The following SYTL5 variants were observed in gnomAD, a reference collection of about 807,000 sequenced individuals.
SYTL5 encodes the protein synaptotagmin-like protein 5.
A neutral mutation model predicts 55.9 loss-of-function variants in SYTL5; 34 were observed. The ratio of observed to expected loss-of-function variants is 0.61; its 90% CI spans 0.46 to 0.81. SYTL5 has a LOEUF of 0.81. Among genes scored for constraint, SYTL5 ranks in the 30% least tolerant of loss-of-function variants. The pLI is 0.00. For missense variants in SYTL5, 637 were observed against 546.7 expected, an observed-to-expected ratio of 1.17 and a Z score of -1.65; for synonymous variants, 221 against 188.7, an observed-to-expected ratio of 1.17 and a Z score of -1.40.
chrX:37,955,734 T>C, the SYTL5 span, among the ~76,000 whole-genome samples: 4 of 111,623 alleles, frequency 3.6e-5, no homozygotes, highest in Non-Finnish European at 7.5e-5. Context: ...ATTGGCTCAA[T>C]AGCTATTTCC....
At chrX:37,910,967 C>CTTTTTTT in the SYTL5 span, among the ~76,000 whole-genome samples, 177 of 82,676 alleles carry the variant, frequency 2.1e-3, 6 homozygotes, top group African/African-American at 6.8e-3. Context: ...GATAGCATTA[C>CTTTTTTT]TTTTTTTTTT....
intron 13 of SYTL5, among the ~76,000 whole-genome samples, chrX:38,113,536 T>C (rs1313535265): frequency 9.0e-6 from 1 of 110,533 alleles, no homozygotes; most frequent in East Asian, 2.8e-4. Flanking sequence ...AAGCAGGAGG[T>C]GGTGGGTGTC....
the SYTL5 span, among the ~76,000 whole-genome samples, chrX:37,928,002 T>C: frequency 8.9e-6 from 1 of 112,308 alleles, no homozygotes; most frequent in East Asian, 2.8e-4. Context: ...GGTGAGGTTA[T>C]ACAGGTCTGG....
chrX:37,945,275 A>G, the SYTL5 span, among the ~76,000 whole-genome samples: 1 of 112,101 alleles, frequency 8.9e-6, no homozygotes, highest in Non-Finnish European at 1.9e-5. Context: ...CTGTCCCCCA[A>G]CTGTGTCAAC....
intron 6 of SYTL5, among the ~76,000 whole-genome samples, chrX:38,088,884 T>A (rs937202005): frequency 8.9e-6 from 1 of 112,246 alleles, no homozygotes; most frequent in African/African-American, 3.2e-5. Flanking sequence ...CATATGTGGA[T>A]CCATTAGGGA....
At chrX:38,084,921 T>TATGAAATTCAAATTTCAG (rs1936632117) in intron 6 of SYTL5, among the ~76,000 whole-genome samples, 1 of 111,351 alleles carries the variant, frequency 9.0e-6, no homozygotes, top group Non-Finnish European at 1.9e-5. Context: ...CAAAATATTA[T>TATGAAATTCAAATTTCAG]TCTTCTTTTG....
chrX:38,123,242 T>A (rs1179382078), intron 15 of SYTL5, among the ~76,000 whole-genome samples: 1 of 112,033 alleles, frequency 8.9e-6, no homozygotes, highest in Non-Finnish European at 1.9e-5. Context: ...CAGGTTCAAG[T>A]GATTCTCATA....
chrX:37,902,406 T>C, the SYTL5 span, among the ~76,000 whole-genome samples: 1 of 112,334 alleles, frequency 8.9e-6, no homozygotes, highest in Admixed American at 9.4e-5. Context: ...GTCTGAGCTG[T>C]GCACAAGTCA....
chrX:38,052,451 A>C (rs1310195744), intron 2 of SYTL5, among the ~76,000 whole-genome samples: 1 of 111,984 alleles, frequency 8.9e-6, no homozygotes, highest in Non-Finnish European at 1.9e-5. Context: ...CATGAAGTCA[A>C]AGATTTTAAA....
the SYTL5 span, among the ~76,000 whole-genome samples, chrX:37,969,218 C>CT: frequency 8.9e-6 from 1 of 111,849 alleles, no homozygotes; most frequent in Non-Finnish European, 1.9e-5. Flanking sequence ...CCTATTTTAA[C>CT]TTTTTAGTAA....
chrX:38,033,855 C>A lies in SYTL5; in HGVS notation c.-35C>A. Reference sequence around the variant, plus strand: ...ATATCAATTCACCTTCTTGAAGATTCAACCACTGCTACTCAGAGCTGCTGC... The same window carrying A: ...ATATCAATTCACCTTCTTGAAGATTAAACCACTGCTACTCAGAGCTGCTGC... On this transcript the variant is annotated 5_prime_UTR_variant, in exon 2 of 17. Transcript: ENST00000297875. 1.2e-6 allele frequency: 1 copy of A among 828,772 alleles called. No individual in the cohort carries two copies. The highest frequency in any genetic ancestry group is 1.8e-6 in the Non-Finnish European group (1 of 571,243). 68.3% of individuals were successfully genotyped at this position (828,772 alleles called of 1,213,427 possible). A position where few individuals can be genotyped will look rare whatever the true frequency, so the allele number is the denominator to read the frequency against.
At chrX:37,940,413 G>A in the SYTL5 span, among the ~76,000 whole-genome samples, 54 of 105,535 alleles carry the variant, frequency 5.1e-4, no homozygotes, top group African/African-American at 1.3e-3. Flanking sequence ...CATGGGAGAC[G>A]GAACTTGCAG....
At chrX:37,959,226 C>A in the SYTL5 span, among the ~76,000 whole-genome samples, 7 of 111,815 alleles carry the variant, frequency 6.3e-5, no homozygotes, top group East Asian at 1.7e-3. Context: ...GATCTGCCCG[C>A]AGACCCTGAC....
At chrX:38,124,782 T>C (rs1375366224) in intron 15 of SYTL5, among the ~76,000 whole-genome samples, 1 of 112,145 alleles carries the variant, frequency 8.9e-6, no homozygotes, top group Non-Finnish European at 1.9e-5. Flanking sequence ...ACAGGGAAGA[T>C]GGGGAAATTA....
At chrX:37,957,430 T>C in the SYTL5 span, among the ~76,000 whole-genome samples, 49,177 of 110,856 alleles carry the variant, frequency 0.44, 8,548 homozygotes, top group South Asian at 0.67. Flanking sequence ...ACTTAAGTCT[T>C]TAACTCATTT....
intron 3 of SYTL5, among the ~76,000 whole-genome samples, chrX:38,056,938 T>G (rs1935805041): frequency 8.9e-6 from 1 of 111,872 alleles, no homozygotes; most frequent in South Asian, 3.7e-4. Flanking sequence ...AAGTTGTCTC[T>G]TCACTTTGTT....
At chrX:37,947,857 T>C in the SYTL5 span, among the ~76,000 whole-genome samples, 4 of 111,868 alleles carry the variant, frequency 3.6e-5, no homozygotes, top group Non-Finnish European at 7.5e-5. Flanking sequence ...TTTGTGAGAT[T>C]AAATAAGATG....
chrX:38,076,032 A>G (rs763581995), intron 5 of SYTL5, among the ~76,000 whole-genome samples: 1 of 111,955 alleles, frequency 8.9e-6, no homozygotes, highest in East Asian at 2.8e-4. Context: ...GAAGATAATA[A>G]AGATGAGTTT....
intron 6 of SYTL5, among the ~76,000 whole-genome samples, chrX:38,084,727 C>A (rs907435679): frequency 2.7e-5 from 3 of 110,859 alleles, no homozygotes; most frequent in African/African-American, 9.9e-5. Flanking sequence ...AAAACCTTTT[C>A]TGTAAAGGTA....
Sources: gnomAD v4.1 joint callset for allele counts (sites outside exome capture counted in the v4.1 genomes callset) on GRCh38, gnomAD v4.1.1 for gene constraint, MANE v1.5 for transcripts, NCBI Gene and HGNC (gene_info 2026-07-23, HGNC 2026-07-21) for gene names.